TSEN34: variants seen among roughly 807,000 people sequenced by gnomAD.
TSEN34 encodes tRNA-splicing endonuclease subunit Sen34.
In TSEN34, 25 loss-of-function variants were observed where a neutral mutation model predicts 30.2. The ratio of observed to expected loss-of-function variants is 0.83; its 90% CI spans 0.60 to 1.16. The LOEUF is 1.16. TSEN34 is among the 50% of genes most tolerant of loss of function. The pLI is 0.00. For synonymous variants in TSEN34, 209 were observed against 177.4 expected, an observed-to-expected ratio of 1.18 and a Z score of -1.41; for missense variants, 475 against 411.9, an observed-to-expected ratio of 1.15 and a Z score of -1.33.
At chr19:54,190,993 C>T (rs1376523933), upstream of TSEN34, 36 of 1,112,538 alleles carry the variant, frequency 3.2e-5, no homozygotes, top group Non-Finnish European at 3.8e-5. Context: ...GGGGGCGTGT[C>T]GCCGCGCTTG....
Position 54,191,816 on chromosome 19 carries a change from G to A in TSEN34, c.339G>A (p.Leu113=), listed in dbSNP as rs373221013. 228 of 1,614,110 alleles carry A rather than the reference G, an allele frequency of 1.4e-4. No homozygotes were observed. Among genetic ancestry groups the A allele is most frequent in the Non-Finnish European group, 1.8e-4 (214 of 1,180,050 alleles). Residue 113 remains leucine, a synonymous_variant, in exon 2 of 4, where the codon CTG becomes CTA. Transcript: ENST00000396388. ...EARETRRQEL[L]EKITEGQAAK... ...GGGAGACCCGTCGTCAGGAGCTCCT[G>A]GAGAAGATTACGGAGGGCCAGGCTG... is the stretch of plus-strand genomic sequence containing the variant.
upstream of TSEN34, chr19:54,190,923 G>C (rs1245133259): frequency 6.7e-6 from 7 of 1,051,078 alleles, no homozygotes; most frequent in African/African-American, 1.0e-4. Context: ...CCGCTGACGG[G>C]AACACCCGAA....
At position 54,194,038 on chromosome 19, in the gene TSEN34, CA is replaced by C; in HGVS notation, c.*682del. On this transcript the variant is annotated 3_prime_UTR_variant, in exon 4 of 4. Transcript: ENST00000396388. ...GCAACATTGTAATACCCAGTCTCTACAAAAAATAATTTAAAAAAAAATTAGC... is the reference window on the plus strand; with the variant it reads ...GCAACATTGTAATACCCAGTCTCTACAAAAATAATTTAAAAAAAAATTAGC... The C allele has an allele frequency of 5.1e-6, 1 of 196,478 alleles. No homozygotes were observed. The highest frequency in any genetic ancestry group is 1.0e-5 in the Non-Finnish European group (1 of 96,310). The allele number at this position is 196,478 out of a possible 1,614,324, so 12.2% of individuals were successfully genotyped here.
chr19:54,189,595 G>T (rs2076577708), upstream of TSEN34: 1 of 152,616 alleles, frequency 6.6e-6, no homozygotes, highest in South Asian at 1.9e-4. Context: ...TCCGAGCTCC[G>T]AGTACGTGAA....
Position 54,191,722 on chromosome 19 carries a change from C to G in TSEN34, c.245C>G (p.Ala82Gly), listed in dbSNP as rs766218869. The change falls in exon 2 of 4, where the codon GCC becomes GGC. Residue 82 changes from alanine to glycine, a missense_variant and splice_region_variant. Transcript: ENST00000396388. ...PRPDSRHHSL[A>G]LTSFKRQQEE... ...GTTCCAGCGAAGTGTGCTTCTCAGG[C>G]CCTGACATCCTTCAAGCGCCAGCAA... 1.4e-5 allele frequency: 22 copies of G among 1,613,802 alleles called. No homozygotes were observed. Among genetic ancestry groups the G allele is most frequent in the African/African-American group, 2.7e-5 (2 of 74,930 alleles).
chr19:54,190,840 G>A, upstream of TSEN34: 1 of 1,056,602 alleles, frequency 9.5e-7, no homozygotes, highest in East Asian at 7.3e-5. Flanking sequence ...CGTTCGGAAA[G>A]AGGAGGAGCG....
upstream of TSEN34, chr19:54,190,902 A>G (rs577192012): frequency 9.5e-7 from 1 of 1,047,162 alleles, no homozygotes; most frequent in Non-Finnish European, 1.1e-6. Flanking sequence ...CTTAGCCTCC[A>G]GAGCTTCTGA....
At position 54,191,802 on chromosome 19, in the gene TSEN34, C is replaced by T. The variant is rs752979648; in HGVS notation, c.325C>T (p.Arg109Cys). Residue 109 changes from arginine to cysteine, a missense_variant, in exon 2 of 4, where the codon CGT becomes TGT. Physicochemically the swap from Arg to Cys is radical, Grantham distance 180. Transcript: ENST00000396388. ...ALAAEARETR[R>C]QELLEKITEG... ...GGCAGCTGAGGCCCGGGAGACCCGT[C>T]GTCAGGAGCTCCTGGAGAAGATTAC... 1.9e-6 allele frequency: 3 copies of T among 1,614,068 alleles called. No homozygotes were observed. The highest frequency in any genetic ancestry group is 1.3e-5 in the African/African-American group (1 of 74,926).
chr19:54,189,481 G>A (rs1050786689), upstream of TSEN34: 1 of 152,556 alleles, frequency 6.6e-6, no homozygotes, highest in Non-Finnish European at 1.5e-5. Context: ...TCAGGCCGGG[G>A]AAGAAGCCAC....
In TSEN34 at chr19:54,193,147, T is replaced by C; in HGVS notation, c.746-28T>C. On this transcript the variant is annotated intron_variant, in intron 3 of 3. Transcript: ENST00000396388. Reference sequence around the variant, plus strand: ...CGTCCAGCCGTCTGCCATTGGTCACTGCTTCAGTGCCTCTCTCCTTCCCCC... The same window carrying C: ...CGTCCAGCCGTCTGCCATTGGTCACCGCTTCAGTGCCTCTCTCCTTCCCCC... 5 of 1,612,450 alleles carry C rather than the reference T, an allele frequency of 3.1e-6. No individual in the cohort carries two copies. In the African/African-American group the frequency reaches 6.7e-5, roughly 22 times the overall value.
intron 3 of TSEN34, among the ~76,000 whole-genome samples, 167 bp from the exon 4 acceptor site, chr19:54,193,005 CAAA>C (rs4006644): frequency 1.0e-5 from 1 of 99,220 alleles, no homozygotes; most frequent in Non-Finnish European, 2.0e-5. Context: ...GACTTTGTCT[CAAA>C]AAAAAAAAAA....
chr19:54,189,929 G>A (rs566045786), upstream of TSEN34: 2 of 289,326 alleles, frequency 6.9e-6, no homozygotes, highest in Non-Finnish European at 1.3e-5. Context: ...GGCCGGATGT[G>A]GGTGGGGCCA....
intron 3 of TSEN34, 48 bp downstream of exon 3, chr19:54,192,421 C>A: frequency 6.2e-7 from 1 of 1,608,552 alleles, no homozygotes; most frequent in East Asian, 2.2e-5. Flanking sequence ...CCATACGATC[C>A]CAATGTATTC....
In TSEN34 at chr19:54,191,314, C is replaced by T. The variant is rs776809984; in HGVS notation, c.-51C>T. On this transcript the variant is annotated 5_prime_UTR_variant, in exon 1 of 4. Transcript: ENST00000396388. ...GCTTTGGGTGCGCTGCAGCGGTCCG[C>T]GGCGCGCAGCTGTTTCGGTAACTGC... 3 of 1,547,070 alleles carry T rather than the reference C, an allele frequency of 1.9e-6. No individual in the cohort carries two copies. The highest frequency in any genetic ancestry group is 2.0e-5 in the Admixed American group (1 of 50,930).
chr19:54,193,037 G>A, intron 3 of TSEN34, 138 bp from the exon 4 acceptor site: 1 of 1,094,032 alleles, frequency 9.1e-7, no homozygotes, highest in East Asian at 2.6e-5. Flanking sequence ...AAGTGGAATA[G>A]TTGTGTCCAA....
upstream of TSEN34, chr19:54,189,550 C>A (rs1355614357): frequency 3.9e-5 from 6 of 152,702 alleles, no homozygotes; most frequent in African/African-American, 1.4e-4. Context: ...GAGCGCGAGT[C>A]GGCAACGGGA....
chr19:54,191,233 T>A, upstream of TSEN34: 1 of 1,444,242 alleles, frequency 6.9e-7, no homozygotes, highest in Non-Finnish European at 9.1e-7. Flanking sequence ...GAACGGCGGC[T>A]GAGCGAGGCC....
rs1343277481 is a variant in TSEN34, at chr19:54,191,737, A to G, written c.260A>G (p.Lys87Arg). ...RHHSLALTSF[K>R]RQQEESFQEQ... ...GCTTCTCAGGCCCTGACATCCTTCA[A>G]GCGCCAGCAAGAGGAGAGCTTCCAG... The change falls in exon 2 of 4, where the codon AAG becomes AGG. Residue 87 changes from lysine (K) to arginine (R), a missense_variant. Transcript: ENST00000396388. 9.3e-6 allele frequency: 15 copies of G among 1,613,966 alleles called. No homozygotes were observed. The highest frequency in any genetic ancestry group is 1.2e-5 in the Non-Finnish European group (14 of 1,180,046).
At chr19:54,191,998 G>A (rs777087092) in intron 2 of TSEN34, 34 bp downstream of exon 2, 4 of 1,614,148 alleles carry the variant, frequency 2.5e-6, no homozygotes, top group Non-Finnish European at 2.5e-6. Flanking sequence ...GGGACCACGG[G>A]AAGGAGAGGA....
Sources: allele counts gnomAD v4.1 joint callset (sites outside exome capture counted in the v4.1 genomes callset), GRCh38; gene constraint gnomAD v4.1.1; transcripts MANE v1.5; gene names NCBI Gene and HGNC (gene_info 2026-07-23, HGNC 2026-07-21).